Variants in PRKN observed in about 807,000 individuals in gnomAD.
The protein encoded by PRKN is E3 ubiquitin-protein ligase parkin.
PRKN carries 56 observed loss-of-function variants against 59.5 expected under a neutral mutation model. The observed-to-expected ratio is 0.94, with a 90% CI of 0.76 to 1.18. The LOEUF is 1.18. Ranked by LOEUF, PRKN falls within the 50% of genes most tolerant of loss-of-function variation. PRKN has a pLI of 0.00. For synonymous variants in PRKN, 250 were observed against 222.1 expected (o/e 1.13, Z -1.12); for missense variants, 657 against 596.4 (o/e 1.10, Z -1.06).
chr6:161,874,024 A>AAT (rs1794470222), intron 6 of PRKN, among the ~76,000 whole-genome samples: 1 of 48,130 alleles, frequency 2.1e-5, no homozygotes, highest in African/African-American at 7.4e-5. Flanking sequence ...TTATATGTAA[A>AAT]ATATATATAA....
At chr6:162,409,398 C>T (rs530329491) in intron 2 of PRKN, among the ~76,000 whole-genome samples, 532 of 152,110 alleles carry the variant, frequency 3.5e-3, no homozygotes, top group African/African-American at 0.012. Context: ...TTAAAGTGAT[C>T]ATCCAGCCTT....
At chr6:162,367,875 C>G (rs1200789701) in intron 2 of PRKN, among the ~76,000 whole-genome samples, 2 of 152,154 alleles carry the variant, frequency 1.3e-5, no homozygotes, top group Non-Finnish European at 2.9e-5. Flanking sequence ...AGTACTTTAT[C>G]AGAACTTCTG....
chr6:162,423,020 C>T (rs891594213), intron 2 of PRKN, among the ~76,000 whole-genome samples: 1 of 149,804 alleles, frequency 6.7e-6, no homozygotes, highest in African/African-American at 2.5e-5. Context: ...CTTCTAGTCG[C>T]TTTCTGGATT....
chr6:161,449,261 C>G (rs1020990991), intron 9 of PRKN, among the ~76,000 whole-genome samples: 1 of 152,164 alleles, frequency 6.6e-6, no homozygotes, highest in African/African-American at 2.4e-5. Context: ...AGCATGTCCT[C>G]TAAGCAAAAT....
intron 6 of PRKN, among the ~76,000 whole-genome samples, chr6:161,931,340 A>T (rs1362167322): frequency 6.6e-6 from 1 of 152,134 alleles, no homozygotes; most frequent in African/African-American, 2.4e-5. Context: ...TGGGAGGCTG[A>T]GGCAAGAGAA....
At position 161,804,810 on chromosome 6, in the gene PRKN, A is replaced by G. The variant is rs558112685; in HGVS notation, c.735-18902T>C. On this transcript the variant is annotated intron_variant, in intron 6 of 11. Coordinates refer to ENST00000366898, the MANE Select transcript of PRKN (RefSeq NM_004562.3). ...ACAAATTCTAGATTCTATTTTCCCA[A>G]TCTATTGCTGTCTATGAGCAGTGCT... 2.6e-5 allele frequency among the ~76,000 whole-genome samples: 4 copies of G among 152,342 alleles called. No individual in the cohort carries two copies. In the South Asian group the frequency reaches 8.3e-4, roughly 32 times the overall value.
At chr6:162,082,147 G>A (rs1779083595) in intron 4 of PRKN, among the ~76,000 whole-genome samples, 1 of 152,052 alleles carries the variant, frequency 6.6e-6, no homozygotes, top group Non-Finnish European at 1.5e-5. Flanking sequence ...GTTGGGGGTT[G>A]TTGAATCATG....
intron 9 of PRKN, among the ~76,000 whole-genome samples, chr6:161,439,625 G>T (rs796409659): frequency 6.6e-5 from 10 of 152,058 alleles, no homozygotes; most frequent in Admixed American, 1.3e-4. Flanking sequence ...AGATCTCCGA[G>T]CGATTCCATC....
chr6:161,727,843 T>C (rs1319074074), intron 7 of PRKN, among the ~76,000 whole-genome samples: 1 of 152,234 alleles, frequency 6.6e-6, no homozygotes, highest in Non-Finnish European at 1.5e-5. Context: ...GACTGGCTTA[T>C]TTATTGCCGT....
chr6:162,102,767 G>T lies in PRKN; in HGVS notation c.535-48593C>A, dbSNP rs144614285. ...AGGGCAGAAATACATAACTTGCCCGGGCGCGGTGGCTCACGCCTGTAATCC... is the reference window on the plus strand; with the variant it reads ...AGGGCAGAAATACATAACTTGCCCGTGCGCGGTGGCTCACGCCTGTAATCC... On this transcript the variant is annotated intron_variant, in intron 4 of 11. Transcript: ENST00000366898. Among the ~76,000 whole-genome samples, 3 of 144,040 alleles carry T rather than the reference G, an allele frequency of 2.1e-5. 1 individual carries two copies. Among genetic ancestry groups the T allele is most frequent in the African/African-American group, 8.9e-5 (3 of 33,708 alleles). 94.5% of individuals were successfully genotyped at this position (144,040 alleles called of 152,430 possible). A position where few individuals can be genotyped will look rare whatever the true frequency, so the allele number is the denominator to read the frequency against.
chr6:162,025,076 C>T (rs1430645015), intron 5 of PRKN, among the ~76,000 whole-genome samples: 3 of 142,618 alleles, frequency 2.1e-5, no homozygotes, highest in East Asian at 2.1e-4. Context: ...AGTGCAGTGG[C>T]GCAATCTCGG....
rs545447016 is a variant in PRKN, at chr6:161,401,064, G to A, written c.1084-14187C>T. Among the ~76,000 whole-genome samples the A allele has an allele frequency of 2.6e-4, 39 of 152,164 alleles. No individual in the cohort carries two copies. Among genetic ancestry groups the A allele is most frequent in the African/African-American group, 8.9e-4 (37 of 41,526 alleles). ...ATTATAGAATGAGCTTAATAAACAC[G>A]AAGTCATAGAAATCCACCATTCACG... On this transcript the variant is annotated intron_variant, in intron 9 of 11. Transcript: ENST00000366898. This position sits in a 1 kb window ranked among gnomAD's most constrained non-coding sequence, Gnocchi z 4.4.
chr6:161,747,213 G>A lies in PRKN; in HGVS notation c.871+38559C>T, dbSNP rs574050372. Among the ~76,000 whole-genome samples, 13 of 152,204 alleles carry A rather than the reference G, an allele frequency of 8.5e-5. 1 individual carries two copies. The highest frequency in any genetic ancestry group is 2.9e-4 in the African/African-American group (12 of 41,526). On this transcript the variant is annotated intron_variant, in intron 7 of 11. Transcript: ENST00000366898. Reference sequence around the variant, plus strand: ...ATAATATAACCTATTGCTTGGAATGGAGTTTTAAAAACCATGCCAAGGAGA... The same window carrying A: ...ATAATATAACCTATTGCTTGGAATGAAGTTTTAAAAACCATGCCAAGGAGA...
Position 162,318,061 on chromosome 6 carries a change from A to T in PRKN, c.172-55296T>A, listed in dbSNP as rs183740815. Among the ~76,000 whole-genome samples the T allele has an allele frequency of 1.8e-3, 274 of 151,892 alleles. 9 individuals carry two copies. Among genetic ancestry groups the T allele is most frequent in the Admixed American group, 0.016 (246 of 15,246 alleles). ...AACTAAAACTCCATACCCATTAAAC[A>T]CTCACTTCCTGATTCCTACCCCTCT... On this transcript the variant is annotated intron_variant, in intron 2 of 11. Coordinates refer to ENST00000366898, the MANE Select transcript of PRKN (RefSeq NM_004562.3).
chr6:161,412,665 T>A (rs1026670315), intron 9 of PRKN, among the ~76,000 whole-genome samples: 6 of 150,772 alleles, frequency 4.0e-5, no homozygotes, highest in African/African-American at 1.2e-4. Context: ...CATTCCTTCC[T>A]CACTCATTCC....
intron 1 of PRKN, among the ~76,000 whole-genome samples, chr6:162,488,027 C>CTTTTTTTT (rs752587530): frequency 4.6e-5 from 5 of 109,766 alleles, no homozygotes; most frequent in Non-Finnish European, 7.6e-5. Flanking sequence ...CACCATTTCC[C>CTTTTTTTT]TTTTTTTTTT....
At chr6:162,441,639 A>G (rs1583577693) in intron 2 of PRKN, among the ~76,000 whole-genome samples, 1 of 152,348 alleles carries the variant, frequency 6.6e-6, no homozygotes, top group Non-Finnish European at 1.5e-5. Context: ...TCTCGGTTTT[A>G]GGGCTCATAA....
At chr6:161,406,915 C>A (rs781553242) in intron 9 of PRKN, among the ~76,000 whole-genome samples, 1 of 152,086 alleles carries the variant, frequency 6.6e-6, no homozygotes. Flanking sequence ...TGAAGAGGAG[C>A]GTCTCGGCAC....
At chr6:161,736,035 C>T (rs934909900) in intron 7 of PRKN, among the ~76,000 whole-genome samples, 2 of 152,180 alleles carry the variant, frequency 1.3e-5, no homozygotes, top group African/African-American at 2.4e-5. Flanking sequence ...ATGTATAACA[C>T]AGCACATCCT....
Sources: gnomAD v4.1 joint callset for allele counts (sites outside exome capture counted in the v4.1 genomes callset) on GRCh38, gnomAD v4.1.1 for gene constraint, Gnocchi (gnomAD v3.1) non-coding constraint, MANE v1.5 for transcripts, NCBI Gene and HGNC (gene_info 2026-07-23, HGNC 2026-07-21) for gene names.